The following DENND5A variants were observed in gnomAD, a reference collection of about 807,000 sequenced individuals.
DENND5A encodes the protein DENN domain-containing protein 5A.
In DENND5A, 64 loss-of-function variants were observed where a neutral mutation model predicts 140.3. The observed-to-expected ratio is 0.46, with a 90% CI of 0.37 to 0.56. The LOEUF (loss-of-function observed/expected upper bound fraction) is 0.56. Ranked by LOEUF, DENND5A falls within the 20% of genes least tolerant of loss-of-function variation. DENND5A has a pLI of 0.00. For synonymous variants in DENND5A, 605 were observed against 607.7 expected (o/e 1.00, Z 0.07); for missense variants, 1,292 against 1,593.8 (o/e 0.81, Z 3.22).
intron 1 of DENND5A, among the ~76,000 whole-genome samples, chr11:9,213,840 CAGGGAGGGGACA>C (rs1849980574): frequency 7.9e-6 from 1 of 126,490 alleles, no homozygotes; most frequent in African/African-American, 2.9e-5. Flanking sequence ...AGCAGTGAGC[CAGGGAGGGGACA>C]AGGGAACCTC....
intron 4 of DENND5A, among the ~76,000 whole-genome samples, chr11:9,200,696 A>T (rs1564911694): frequency 6.6e-6 from 1 of 152,180 alleles, no homozygotes; most frequent in East Asian, 1.9e-4. Flanking sequence ...CTATATCCAG[A>T]ACCCAACCAT....
Position 9,265,334 on chromosome 11 carries a change from G to T in DENND5A, c.-265C>A. 4.1e-6 allele frequency: 1 copy of T among 241,022 alleles called. No individual in the cohort carries two copies. Among genetic ancestry groups the T allele is most frequent in the South Asian group, 1.7e-4 (1 of 5,860 alleles). 14.9% of individuals were successfully genotyped at this position (241,022 alleles called of 1,614,324 possible). ...CAGCTAGCCGAGAGCGCCGCGGCCCGAGCGAGCCTGGAGAAGGGCGGAGAG... is the reference window on the plus strand; with the variant it reads ...CAGCTAGCCGAGAGCGCCGCGGCCCTAGCGAGCCTGGAGAAGGGCGGAGAG... On this transcript the variant is annotated 5_prime_UTR_variant, in exon 1 of 23. Coordinates refer to ENST00000328194, the MANE Select transcript of DENND5A (RefSeq NM_015213.4). This position sits in a 1 kb window ranked among gnomAD's most constrained non-coding sequence, Gnocchi z 4.7.
chr11:9,262,536 G>A (rs1017238321), intron 1 of DENND5A, among the ~76,000 whole-genome samples: 2 of 152,122 alleles, frequency 1.3e-5, no homozygotes, highest in Non-Finnish European at 2.9e-5. Flanking sequence ...CAATTAACTA[G>A]TGTATACAGG....
intron 1 of DENND5A, among the ~76,000 whole-genome samples, chr11:9,252,640 C>T (rs1469946971): frequency 2.6e-5 from 4 of 151,426 alleles, no homozygotes; most frequent in African/African-American, 7.3e-5. Flanking sequence ...AGTGAGACTC[C>T]GTCTCAAAAA....
chr11:9,156,758 T>C (rs977905954), intron 12 of DENND5A, among the ~76,000 whole-genome samples: 1 of 150,630 alleles, frequency 6.6e-6, no homozygotes, highest in Non-Finnish European at 1.5e-5. Context: ...GCTGAGATCA[T>C]ACCACTGCAC....
At chr11:9,256,237 G>A (rs1022070569) in intron 1 of DENND5A, among the ~76,000 whole-genome samples, 3 of 152,064 alleles carry the variant, frequency 2.0e-5, no homozygotes, top group Non-Finnish European at 4.4e-5. Flanking sequence ...CAAGGTGGGT[G>A]GATCATGAAG....
chr11:9,258,984 G>C (rs904761368), intron 1 of DENND5A, among the ~76,000 whole-genome samples: 15 of 152,176 alleles, frequency 9.9e-5, no homozygotes, highest in African/African-American at 3.6e-4. Flanking sequence ...TATTAGGCTG[G>C]GCGCAGTGGC....
At chr11:9,154,108 A>G (rs1847724240) in intron 12 of DENND5A, among the ~76,000 whole-genome samples, 1 of 152,242 alleles carries the variant, frequency 6.6e-6, no homozygotes, top group African/African-American at 2.4e-5. Context: ...TTCTATAATA[A>G]TGATAGAAGC....
At chr11:9,207,334 C>A in intron 2 of DENND5A, 1 of 520,160 alleles carries the variant, frequency 1.9e-6, no homozygotes, top group Non-Finnish European at 3.4e-6. Context: ...CTTTGTTTTC[C>A]CATTCCCCCT....
At chr11:9,233,471 A>C (rs1314152743) in intron 1 of DENND5A, among the ~76,000 whole-genome samples, 1 of 151,866 alleles carries the variant, frequency 6.6e-6, no homozygotes, top group African/African-American at 2.4e-5. Context: ...TGGTGGCCCC[A>C]AAAAAGGTAT....
At chr11:9,157,803 T>C (rs902587511) in intron 12 of DENND5A, among the ~76,000 whole-genome samples, 1 of 152,252 alleles carries the variant, frequency 6.6e-6, no homozygotes, top group African/African-American at 2.4e-5. Context: ...CACGTGCATA[T>C]GTCTTTATGG....
chr11:9,158,381 C>CA (rs112287336), intron 12 of DENND5A, among the ~76,000 whole-genome samples: 22,509 of 139,416 alleles, frequency 0.16, 1,993 homozygotes, highest in African/African-American at 0.25. Flanking sequence ...CTCATCTCTA[C>CA]AAAAAAAAAA....
intron 1 of DENND5A, among the ~76,000 whole-genome samples, chr11:9,228,667 C>T (rs1483202177): frequency 2.0e-5 from 3 of 150,696 alleles, no homozygotes; most frequent in African/African-American, 4.9e-5. Flanking sequence ...TGCAGTGAGC[C>T]GAGATCGCAC....
intron 1 of DENND5A, among the ~76,000 whole-genome samples, chr11:9,220,695 C>T (rs1314289807): frequency 1.3e-5 from 2 of 151,836 alleles, no homozygotes; most frequent in East Asian, 3.9e-4. Context: ...GAGTTCCAGA[C>T]CAGCCTGGCT....
Position 9,150,760 on chromosome 11 carries a change from T to C in DENND5A, c.2526A>G (p.Ile842Met), listed in dbSNP as rs1360341658. 6.2e-7 allele frequency: 1 copy of C among 1,610,926 alleles called. No homozygotes were observed. Among genetic ancestry groups the C allele is most frequent in the African/African-American group, 1.3e-5 (1 of 74,824 alleles). ...ACTTCCTACGTTCTGAATCAAGAAG[T>C]ATTCCTAGAATAAACAAGTTGGTCA... The part of the protein sequence containing the change: ...LTSGSLSTSG[I>M]LLDSERRKSD... The change falls in exon 14 of 23, where the codon ATA becomes ATG. Residue 842 changes from isoleucine to methionine, a missense_variant. Ile to Met is a conservative substitution (Grantham distance 10, BLOSUM62 1). Transcript: ENST00000328194.
intron 8 of DENND5A, among the ~76,000 whole-genome samples, chr11:9,174,125 A>AG (rs1564896302): frequency 2.0e-5 from 3 of 149,004 alleles, no homozygotes; most frequent in African/African-American, 4.9e-5. Context: ...AAAAAAAAAA[A>AG]AAAAGAAAAA....
chr11:9,148,758 C>T (rs1403198161), intron 15 of DENND5A, among the ~76,000 whole-genome samples: 3 of 152,134 alleles, frequency 2.0e-5, no homozygotes, highest in South Asian at 2.1e-4. Context: ...TTTGTTCTCT[C>T]TGAGCTAAAG....
chr11:9,226,949 A>T (rs1442227897), intron 1 of DENND5A, among the ~76,000 whole-genome samples: 1 of 152,120 alleles, frequency 6.6e-6, no homozygotes, highest in African/African-American at 2.4e-5. Context: ...CGGGCAGATC[A>T]CCTGAGGTCA....
At chr11:9,256,533 T>C (rs576476815) in intron 1 of DENND5A, among the ~76,000 whole-genome samples, 2 of 152,168 alleles carry the variant, frequency 1.3e-5, no homozygotes, top group African/African-American at 2.4e-5. Flanking sequence ...TGTATATTCA[T>C]ACCATGGCAT....
Sources: gnomAD v4.1 joint callset for allele counts (sites outside exome capture counted in the v4.1 genomes callset) on GRCh38, gnomAD v4.1.1 for gene constraint, Gnocchi (gnomAD v3.1) non-coding constraint, MANE v1.5 for transcripts, NCBI Gene and HGNC (gene_info 2026-07-23, HGNC 2026-07-21) for gene names.